Variants in SCNN1A observed in about 807,000 individuals in gnomAD.
The protein encoded by SCNN1A is sodium channel epithelial 1 subunit alpha, also known as epithelial sodium channel subunit alpha.
In SCNN1A, 65 loss-of-function variants were observed where a neutral mutation model predicts 68.6. The observed-to-expected ratio is 0.95, with a 90% confidence interval of 0.78 to 1.16. SCNN1A has a LOEUF of 1.16. Ranked by LOEUF, SCNN1A falls within the 50% of genes most tolerant of loss-of-function variation. The pLI is 0.00. For missense variants in SCNN1A, 880 were observed against 865.9 expected (o/e 1.02, Z -0.20); for synonymous variants, 357 against 353.3 (o/e 1.01, Z -0.12).
rs779371939 is a variant in SCNN1A at position 6,347,866 on chromosome 12, T to C, written c.*7A>G. 3.8e-6 allele frequency: 6 copies of C among 1,599,368 alleles called. No individual in the cohort carries two copies. The highest frequency in any genetic ancestry group is 4.3e-6 in the Non-Finnish European group (5 of 1,172,828). ...CTGCCTTGGTGTGAGAAACCTCTCC[T>C]TCCCTCTCAGGGCCCCCCCAGAGGA... On this transcript the variant is annotated 3_prime_UTR_variant, in exon 13 of 13. Transcript: ENST00000228916.
chr12:6,363,837 G>T lies in SCNN1A; in HGVS notation c.417-127C>A, dbSNP rs72645118. 1.0e-4 allele frequency: 94 copies of T among 896,128 alleles called. No homozygotes were observed. In the African/African-American group the frequency reaches 1.4e-3, roughly 13 times the overall value. 55.5% of individuals were successfully genotyped at this position (896,128 alleles called of 1,614,324 possible). A position where few individuals can be genotyped will look rare whatever the true frequency, so the allele number is the denominator to read the frequency against. On this transcript the variant is annotated intron_variant, in intron 2 of 12. Coordinates refer to ENST00000228916, the MANE Select transcript of SCNN1A (RefSeq NM_001038.6). ...TCCCGGAGAAGCCTGGGCGGGGCTGGGGTCGTCGTGGCGCCTCCTGGCCGT... is the reference window on the plus strand; with the variant it reads ...TCCCGGAGAAGCCTGGGCGGGGCTGTGGTCGTCGTGGCGCCTCCTGGCCGT...
intron 2 of SCNN1A, among the ~76,000 whole-genome samples, chr12:6,369,813 A>G (rs1423696520): frequency 2.0e-5 from 3 of 146,532 alleles, no homozygotes; most frequent in Non-Finnish European, 4.5e-5. Context: ...CAGCCTGGGC[A>G]ACAGTGCAAG....
At position 6,347,938 on chromosome 12, in the gene SCNN1A, G is replaced by A. The variant is rs1948290676; in HGVS notation, c.1945C>T (p.Pro649Ser). The A allele has an allele frequency of 4.4e-6, 7 of 1,579,168 alleles. No homozygotes were observed. The highest frequency in any genetic ancestry group is 1.1e-5 in the South Asian group (1 of 87,572). ...GCAGAGCCCCCTGGAGATGGGCGGG[G>A]GCCCAGGGTGGCATAGGCAGGGGGA... ...APPPAYATLG[P>S]RPSPGGSAGA... is the part of the protein sequence containing the mutation. The change falls in exon 13 of 13, where the codon CCC becomes TCC. Residue 649 changes from proline to serine, a missense_variant. This residue lies in a region of SCNN1A where 758 missense variants were observed against 721.8 expected (regional missense o/e 1.05). Coordinates refer to ENST00000228916, the MANE Select transcript of SCNN1A (RefSeq NM_001038.6).
In SCNN1A at chr12:6,351,772, TTATC is replaced by T. The variant is rs144088971; in HGVS notation, c.1361-2371_1361-2368del. ...ATGAGTACAAGGTTTATTTATTTATTTATCTGAGACAGGGTCTCACTCCATTGCC... is the reference window on the plus strand; with the variant it reads ...ATGAGTACAAGGTTTATTTATTTATTTGAGACAGGGTCTCACTCCATTGCC... On this transcript the variant is annotated intron_variant, in intron 8 of 12. Transcript: ENST00000228916. The surrounding 1 kb of genome is among the most constrained non-coding windows in gnomAD (Gnocchi z 4.2). Among the ~76,000 whole-genome samples the T allele has an allele frequency of 0.15, 22,623 of 151,834 alleles. 4,527 individuals carry two copies. The highest frequency in any genetic ancestry group is 0.46 in the African/African-American group (19,093 of 41,234).
chr12:6,375,440 G>T, intron 1 of SCNN1A, 65 bp downstream of exon 1: 1 of 1,534,394 alleles, frequency 6.5e-7, no homozygotes, highest in African/African-American at 1.4e-5. Context: ...CTCCCAGGTT[G>T]CGGCTGGACT....
In SCNN1A at chr12:6,348,177, A is replaced by G. The variant is rs72657541; in HGVS notation, c.1706T>C (p.Met569Thr). 6.2e-7 allele frequency: 1 copy of G among 1,614,134 alleles called. No individual in the cohort carries two copies. Among genetic ancestry groups the G allele is most frequent in the Non-Finnish European group, 8.5e-7 (1 of 1,180,034 alleles). The change falls in exon 13 of 13, where the codon ATG becomes ACG. Residue 569 changes from methionine to threonine, a missense_variant. Physicochemically the swap from Met to Thr is moderately conservative, Grantham distance 81. This residue lies in a region of SCNN1A where 758 missense variants were observed against 721.8 expected (regional missense o/e 1.05). Coordinates refer to ENST00000228916, the MANE Select transcript of SCNN1A (RefSeq NM_001038.6). ...CAGCAGGTCAAAGACGAGCTCAGCCATCTCCACCACAGACAACACCGAGGA... is the reference window on the plus strand; with the variant it reads ...CAGCAGGTCAAAGACGAGCTCAGCCGTCTCCACCACAGACAACACCGAGGA... ...FGSSVLSVVE[M>T]AELVFDLLVI...
chr12:6,355,882 T>G lies in SCNN1A; in HGVS notation c.876-2A>C. The G allele has an allele frequency of 6.3e-7, 1 of 1,583,586 alleles. No individual in the cohort carries two copies. Among genetic ancestry groups the G allele is most frequent in the South Asian group, 1.1e-5 (1 of 90,446 alleles). ...GGGTGGTGGAAGTGAGAGTAATTCC[T>G]TATCAGGAAAGAGAGAGTAGGGTCA... is the stretch of plus-strand genomic sequence containing the variant. On this transcript the variant is annotated splice_acceptor_variant, in intron 4 of 12. Transcript: ENST00000228916. LOFTEE classifies it high-confidence loss of function.
rs759283975 is a variant in SCNN1A, at chr12:6,363,517, G to C, written c.610C>G (p.Arg204Gly). 5 of 1,609,390 alleles carry C rather than the reference G, an allele frequency of 3.1e-6. No individual in the cohort carries two copies. Among genetic ancestry groups the C allele is most frequent in the South Asian group, 1.1e-5 (1 of 90,574 alleles). Residue 204 changes from arginine (R) to glycine (G), a missense_variant, in exon 3 of 13, where the codon CGT (arginine) becomes GGT (glycine). Coordinates refer to ENST00000228916, the MANE Select transcript of SCNN1A (RefSeq NM_001038.6). The stretch of plus-strand genomic sequence containing the variant: ...TCCCGCAAGCTGGAGGCCACGCTAC[G>C]GGCTCGACGGGCCCCGTGAGGCGGG... ...PPPPHGARRA[R>G]SVASSLRDNN... is the part of the protein sequence containing the mutation.
rs985909159 is a variant in SCNN1A at position 6,363,698 on chromosome 12, A to C, written c.429T>G (p.Ile143Met). Residue 143 changes from isoleucine (I) to methionine (M), a missense_variant, in exon 3 of 13, where the codon ATT (isoleucine) becomes ATG (methionine). By Grantham distance (10) the Ile-to-Met change is conservative. Coordinates refer to ENST00000228916, the MANE Select transcript of SCNN1A (RefSeq NM_001038.6). ...CTLNPYRYPE[I>M]KEELEELDRI... is the part of the protein sequence containing the mutation. ...GGTCCAGCTCCTCCAGCTCCTCTTT[A>C]ATTTCCGGGTACCTGAAGGGGCGAG... 1.0e-5 allele frequency: 16 copies of C among 1,598,722 alleles called. No homozygotes were observed. The highest frequency in any genetic ancestry group is 1.2e-5 in the Non-Finnish European group (14 of 1,172,074).
In SCNN1A at chr12:6,349,231, G is replaced by T; in HGVS notation, c.1440-10C>A. 2 of 1,614,142 alleles carry T rather than the reference G, an allele frequency of 1.2e-6. No individual in the cohort carries two copies. The highest frequency in any genetic ancestry group is 1.1e-5 in the South Asian group (1 of 91,082). On this transcript the variant is annotated splice_polypyrimidine_tract_variant and intron_variant, in intron 9 of 12. Coordinates refer to ENST00000228916, the MANE Select transcript of SCNN1A (RefSeq NM_001038.6). ...CTGGTAGCTGGTCACGCTGGGGATG[G>T]AGAAAGGTGCTCAGTGTTGGGGCAG... is the stretch of plus-strand genomic sequence containing the variant.
intron 3 of SCNN1A, 32 bp from the exon 4 acceptor site, chr12:6,362,273 C>G: frequency 6.3e-7 from 1 of 1,597,722 alleles, no homozygotes; most frequent in Non-Finnish European, 8.6e-7. Flanking sequence ...AGAGGGGACA[C>G]GCAGCCGGGG....
At chr12:6,362,285 TA>T in intron 3 of SCNN1A, 44 bp from the exon 4 acceptor site, 1 of 1,578,338 alleles carries the variant, frequency 6.3e-7, no homozygotes, top group Non-Finnish European at 8.7e-7. Context: ...CAGCCGGGGA[TA>T]AGCCCCTTGG....
rs148959452 is a variant in SCNN1A at position 6,348,983 on chromosome 12, G to A, written c.1520C>T (p.Ser507Leu). The A allele has an allele frequency of 1.5e-4, 250 of 1,613,884 alleles. No individual in the cohort carries two copies. Among genetic ancestry groups the A allele is most frequent in the Admixed American group, 1.8e-4 (11 of 59,972 alleles). The change falls in exon 11 of 13, where the codon TCG (serine) becomes TTG (leucine). Residue 507 changes from serine (S) to leucine (L), a missense_variant. Ser to Leu is a moderately radical substitution (Grantham distance 145). Around this residue, in one of 3 missense-constraint regions of SCNN1A, gnomAD observed 758 missense variants for 721.8 expected, o/e 1.05. Coordinates refer to ENST00000228916, the MANE Select transcript of SCNN1A (RefSeq NM_001038.6). Reference sequence around the variant, plus strand: ...GTTGACGGTGTAATTGTTCTGTCGCGATAGCATCTGGAAGACCCATTCCTA... The same window carrying A: ...GTTGACGGTGTAATTGTTCTGTCGCAATAGCATCTGGAAGACCCATTCCTA... ...TSQEWVFQML[S>L]RQNNYTVNNK...
In SCNN1A at chr12:6,347,965, G is replaced by T; in HGVS notation, c.1918C>A (p.Pro640Thr). The change falls in exon 13 of 13, where the codon CCT becomes ACT. Residue 640 changes from proline (P) to threonine (T), a missense_variant. By Grantham distance (38) the Pro-to-Thr change is conservative. Coordinates refer to ENST00000228916, the MANE Select transcript of SCNN1A (RefSeq NM_001038.6). Reference protein sequence around the residue: ...GPAPSPALTAPPPAYATLGPR... With the variant: ...GPAPSPALTATPPAYATLGPR... ...CCCAGGGTGGCATAGGCAGGGGGAG[G>T]GGCTGTCAAGGCTGGAGAGGGAGCA... 6.4e-7 allele frequency: 1 copy of T among 1,563,710 alleles called. No homozygotes were observed. Among genetic ancestry groups the T allele is most frequent in the Middle Eastern group, 1.7e-4 (1 of 5,956 alleles).
At chr12:6,352,137 A>C (rs1948399562) in intron 8 of SCNN1A, among the ~76,000 whole-genome samples, 1 of 152,224 alleles carries the variant, frequency 6.6e-6, no homozygotes, top group Non-Finnish European at 1.5e-5. Flanking sequence ...GACTATACTT[A>C]AAACGTAAAA....
rs201873521 is a variant in SCNN1A, at chr12:6,349,331, A to G, written c.1435T>C (p.Cys479Arg). 198 of 1,613,408 alleles carry G rather than the reference A, an allele frequency of 1.2e-4. No individual in the cohort carries two copies. The highest frequency in any genetic ancestry group is 1.6e-4 in the Middle Eastern group (1 of 6,084). ...LGCFTKCRKP[C>R]SVTSYQLSAG... The stretch of plus-strand genomic sequence containing the variant: ...CCCGGGGAAGGGGACACTAACCTGC[A>G]TGGCTTCCGGCACTTGGTGAAACAG... Residue 479 changes from cysteine (C) to arginine (R), a missense_variant, in exon 9 of 13, where the codon TGC becomes CGC. This residue lies in a region of SCNN1A where 758 missense variants were observed against 721.8 expected (regional missense o/e 1.05). Transcript: ENST00000228916.
rs1592090123 is a variant in SCNN1A at position 6,375,192 on chromosome 12, G to A, written c.-55+313C>T. ...CTCCAGGATCTGTGTCTCAGCTCCT[G>A]CCTCTCACTCCCTCTCTATCTGCCT... On this transcript the variant is annotated intron_variant, in intron 1 of 12. Coordinates refer to ENST00000228916, the MANE Select transcript of SCNN1A (RefSeq NM_001038.6). 4.1e-6 allele frequency: 6 copies of A among 1,450,444 alleles called. No homozygotes were observed. The South Asian group carries it at 8.7e-5, about 21-fold the overall frequency. 89.8% of individuals were successfully genotyped at this position (1,450,444 alleles called of 1,614,324 possible).
intron 4 of SCNN1A, 186 bp from the exon 5 acceptor site, chr12:6,356,066 C>T: frequency 1.5e-6 from 1 of 648,068 alleles, no homozygotes; most frequent in Non-Finnish European, 2.8e-6. Context: ...CACACTCCCT[C>T]AGTCACTCCA....
chr12:6,352,929 C>T (rs982159615), intron 8 of SCNN1A, among the ~76,000 whole-genome samples: 4 of 152,248 alleles, frequency 2.6e-5, no homozygotes, highest in Admixed American at 6.5e-5. Flanking sequence ...TGTCCCCTCC[C>T]GTGATGGCCC....
Sources: gnomAD v4.1 joint callset for allele counts (sites outside exome capture counted in the v4.1 genomes callset) on GRCh38, gnomAD v4.1.1 for gene constraint, gnomAD v4.1.1 regional missense constraint, Gnocchi (gnomAD v3.1) non-coding constraint, MANE v1.5 for transcripts, NCBI Gene and HGNC (gene_info 2026-07-23, HGNC 2026-07-21) for gene names.